The following ARHGEF10 variants were observed in gnomAD, a reference collection of about 807,000 sequenced individuals.
ARHGEF10 encodes the protein Rho guanine nucleotide exchange factor (GEF) 10.
A neutral mutation model predicts 147.4 loss-of-function variants in ARHGEF10; 140 were observed. That is an observed-to-expected ratio of 0.95 (90% CI 0.83 to 1.09). The LOEUF (loss-of-function observed/expected upper bound fraction) is 1.09. Among genes scored for constraint, ARHGEF10 ranks in the 50% least tolerant of loss-of-function variants. The pLI is 0.00. For missense variants in ARHGEF10, 2,222 were observed against 1,752.7 expected, an observed-to-expected ratio of 1.27 and a Z score of -4.78; for synonymous variants, 902 against 695.8, an observed-to-expected ratio of 1.30 and a Z score of -4.67.
At chr8:1,830,762 T>C (rs1803049621) in intron 1 of ARHGEF10, among the ~76,000 whole-genome samples, 1 of 152,104 alleles carries the variant, frequency 6.6e-6, no homozygotes, top group Non-Finnish European at 1.5e-5. Context: ...TACACGGGGC[T>C]ACAAGGTGGA....
chr8:1,858,204 G>C, intron 3 of ARHGEF10, 89 bp downstream of exon 3: 1 of 1,227,812 alleles, frequency 8.1e-7, no homozygotes, highest in Non-Finnish European at 1.1e-6. Flanking sequence ...CACCAGGTGA[G>C]TTCCCAGGTG....
intron 14 of ARHGEF10, 148 bp from the exon 15 acceptor site, chr8:1,898,285 A>C (rs1026575340): frequency 2.2e-3 from 1,357 of 628,932 alleles, no homozygotes; most frequent in Non-Finnish European, 2.5e-3. Flanking sequence ...GCTGGAAGGT[A>C]TTTGGCCAAG....
intron 11 of ARHGEF10, among the ~76,000 whole-genome samples, chr8:1,886,502 ACCTGCGAG>A (rs1251278810): frequency 1.3e-5 from 2 of 152,200 alleles, no homozygotes; most frequent in Non-Finnish European, 2.9e-5. Context: ...GAAAAGGGAT[ACCTGCGAG>A]CTGTTCATAA....
At chr8:1,881,771 C>G (rs552971132) in intron 9 of ARHGEF10, among the ~76,000 whole-genome samples, 31 of 152,338 alleles carry the variant, frequency 2.0e-4, no homozygotes, top group African/African-American at 7.0e-4. Context: ...CTGCTCCTCA[C>G]GCGGTGGTGT....
At chr8:1,942,950 A>T (rs1014304030) in intron 26 of ARHGEF10, among the ~76,000 whole-genome samples, 1 of 152,200 alleles carries the variant, frequency 6.6e-6, no homozygotes, top group Non-Finnish European at 1.5e-5. Flanking sequence ...CATAAGGGTG[A>T]TAAAATGTTC....
chr8:1,878,508 G>A (rs1807901572), intron 8 of ARHGEF10, among the ~76,000 whole-genome samples: 2 of 152,318 alleles, frequency 1.3e-5, no homozygotes, highest in South Asian at 4.1e-4. Flanking sequence ...TTTAACAGCT[G>A]ATAACTGAGG....
chr8:1,957,139 G>C lies in ARHGEF10; in HGVS notation c.3911G>C (p.Ser1304Thr), dbSNP rs767087591. The change falls in exon 29 of 29, where the codon AGC (serine) becomes ACC (threonine). Residue 1304 changes from serine to threonine, a missense_variant. Coordinates refer to ENST00000349830, the MANE Select transcript of ARHGEF10 (RefSeq NM_014629.4). ...CGCCGGGCCAAGAAAGCCAAGGCCA[G>C]CTCGGCGCTGGTGGTCTGTGGAGGG... ...KARRAKKAKA[S>T]SALVVCGGQG... 2.7e-5 allele frequency: 44 copies of C among 1,612,798 alleles called. No individual in the cohort carries two copies. The highest frequency in any genetic ancestry group is 3.6e-5 in the Non-Finnish European group (42 of 1,180,030).
At chr8:1,886,595 C>T (rs937608751) in intron 11 of ARHGEF10, among the ~76,000 whole-genome samples, 3 of 152,220 alleles carry the variant, frequency 2.0e-5, no homozygotes, top group Non-Finnish European at 2.9e-5. Context: ...GTTTTGTCAG[C>T]AGCATCACAC....
At chr8:1,897,844 C>T (rs4474061) in intron 14 of ARHGEF10, among the ~76,000 whole-genome samples, 11,835 of 152,190 alleles carry the variant, frequency 0.078, 555 homozygotes, top group South Asian at 0.21. Flanking sequence ...TAGACTCTCT[C>T]ATCCCATTTC....
chr8:1,899,251 G>T (rs745741022), intron 15 of ARHGEF10, among the ~76,000 whole-genome samples: 1 of 152,206 alleles, frequency 6.6e-6, no homozygotes, highest in Non-Finnish European at 1.5e-5. Context: ...TGTAGGCTGC[G>T]GGGCTCAGCA....
intron 23 of ARHGEF10, 102 bp from the exon 24 acceptor site, chr8:1,928,325 T>C (rs1812839110): frequency 1.9e-6 from 2 of 1,056,064 alleles, no homozygotes; most frequent in Admixed American, 1.7e-5. Context: ...GATTCTCACA[T>C]GAAAATCGAA....
intron 16 of ARHGEF10, among the ~76,000 whole-genome samples, chr8:1,904,678 G>T (rs1436042649): frequency 6.6e-6 from 1 of 152,190 alleles, no homozygotes; most frequent in Non-Finnish European, 1.5e-5. Context: ...TCACCCACAT[G>T]CCTCATCGTT....
At position 1,893,656 on chromosome 8, in the gene ARHGEF10, T is replaced by A; in HGVS notation, c.1260+10T>A. 1 of 1,589,956 alleles carries A rather than the reference T, an allele frequency of 6.3e-7. No individual in the cohort carries two copies. Among genetic ancestry groups the A allele is most frequent in the Non-Finnish European group, 8.6e-7 (1 of 1,158,148 alleles). On this transcript the variant is annotated intron_variant, in intron 12 of 28. Transcript: ENST00000349830. ...TAAGAGGATTTTGGAGGTACTTAAG[T>A]GTCGTGTTACATAATACATACATTT...
At chr8:1,841,091 A>G (rs539959488) in intron 1 of ARHGEF10, among the ~76,000 whole-genome samples, 2 of 152,108 alleles carry the variant, frequency 1.3e-5, no homozygotes, top group Non-Finnish European at 2.9e-5. Context: ...GGGTGCTCGC[A>G]TCAGCCACCC....
intron 1 of ARHGEF10, among the ~76,000 whole-genome samples, chr8:1,840,614 G>A (rs1214521085): frequency 6.6e-6 from 1 of 151,892 alleles, no homozygotes; most frequent in Non-Finnish European, 1.5e-5. Context: ...GTCTGATGTG[G>A]AAGCTGTCTG....
At chr8:1,955,343 GTGT>G (rs1815446350) in intron 28 of ARHGEF10, among the ~76,000 whole-genome samples, 5 of 57,954 alleles carry the variant, frequency 8.6e-5, no homozygotes, top group Admixed American at 1.7e-4. Context: ...TGCACTCACT[GTGT>G]TTCTCTGGAT....
At chr8:1,836,936 GA>G (rs1295103203) in intron 1 of ARHGEF10, among the ~76,000 whole-genome samples, 2 of 152,204 alleles carry the variant, frequency 1.3e-5, no homozygotes, top group East Asian at 3.8e-4. Flanking sequence ...CGCCACGTAA[GA>G]AGTGCCTTTC....
chr8:1,858,129 A>AGGGTCCCCAGGTGAGTCCCCAGGT lies in ARHGEF10; in HGVS notation c.193+48_193+71dup, dbSNP rs748137940. The AGGGTCCCCAGGTGAGTCCCCAGGT allele has an allele frequency of 1.4e-4, 198 of 1,395,776 alleles. 3 individuals carry two copies. The highest frequency in any genetic ancestry group is 2.2e-4 in the East Asian group (8 of 37,048). The allele number at this position is 1,395,776 out of a possible 1,614,324, so 86.5% of individuals were successfully genotyped here. ...CTGCACCCACAGGTGAGTTTCCAGG[A>AGGGTCCCCAGGTGAGTCCCCAGGT]GGGTCCCCAGGTGAGTCCCCAGGTG... On this transcript the variant is annotated intron_variant, in intron 3 of 28. Transcript: ENST00000349830.
chr8:1,879,391 T>G (rs1371496517), intron 8 of ARHGEF10, among the ~76,000 whole-genome samples: 1 of 152,186 alleles, frequency 6.6e-6, no homozygotes, highest in South Asian at 2.1e-4. Flanking sequence ...TTATGTATTT[T>G]TATTTATTGG....
Sources: allele counts gnomAD v4.1 joint callset (sites outside exome capture counted in the v4.1 genomes callset), GRCh38; gene constraint gnomAD v4.1.1; transcripts MANE v1.5; gene names NCBI Gene and HGNC (gene_info 2026-07-23, HGNC 2026-07-21).